CDH12: variants seen among roughly 807,000 people sequenced by gnomAD.
The protein encoded by CDH12 is cadherin 12.
CDH12 carries 41 observed loss-of-function variants against 74.1 expected under a neutral mutation model. The ratio of observed to expected loss-of-function variants is 0.55; its 90% confidence interval spans 0.43 to 0.72. The LOEUF (loss-of-function observed/expected upper bound fraction) is 0.72. Among genes scored for constraint, CDH12 ranks in the 30% least tolerant of loss-of-function variants. The pLI is 0.00. For synonymous variants in CDH12, 399 were observed against 355.0 expected (o/e 1.12, Z -1.39); for missense variants, 945 against 977.2 (o/e 0.97, Z 0.44).
chr5:21,810,258 T>C (rs975286220), intron 9 of CDH12, among the ~76,000 whole-genome samples: 2 of 152,052 alleles, frequency 1.3e-5, no homozygotes, highest in Admixed American at 6.6e-5. Context: ...CATTCCCCCA[T>C]GAATAAAAAG....
At chr5:21,994,885 C>A (rs77819482) in intron 5 of CDH12, among the ~76,000 whole-genome samples, 23,770 of 152,096 alleles carry the variant, frequency 0.16, 2,086 homozygotes, top group African/African-American at 0.22. Context: ...AGGATGTGGG[C>A]AGGGCCAAAT....
At chr5:21,965,190 ATACTC>A (rs1288026888) in intron 6 of CDH12, among the ~76,000 whole-genome samples, 2 of 152,080 alleles carry the variant, frequency 1.3e-5, no homozygotes, top group East Asian at 1.9e-4. Context: ...ATAGAAGTGT[ATACTC>A]TAATCTTATA....
At chr5:22,192,159 C>T (rs1750346873) in intron 4 of CDH12, among the ~76,000 whole-genome samples, 1 of 151,984 alleles carries the variant, frequency 6.6e-6, no homozygotes, top group South Asian at 2.1e-4. Flanking sequence ...GTCTCAAACT[C>T]CTGGCCTCAA....
At chr5:22,784,679 C>T (rs1747539284) in intron 1 of CDH12, among the ~76,000 whole-genome samples, 1 of 152,126 alleles carries the variant, frequency 6.6e-6, no homozygotes, top group Non-Finnish European at 1.5e-5. Context: ...CCAATACAGC[C>T]TGGTCCCGTT....
chr5:22,576,903 T>A (rs1739820163), intron 1 of CDH12, among the ~76,000 whole-genome samples: 1 of 152,132 alleles, frequency 6.6e-6, no homozygotes, highest in Non-Finnish European at 1.5e-5. Context: ...AAACCTTACT[T>A]CTTAAAAACT....
At chr5:22,553,032 C>A (rs1194183526) in intron 1 of CDH12, among the ~76,000 whole-genome samples, 2 of 152,022 alleles carry the variant, frequency 1.3e-5, no homozygotes. Flanking sequence ...TTGTTTGTTT[C>A]CAATAAATGC....
At chr5:22,105,335 C>T (rs1009484165) in intron 4 of CDH12, among the ~76,000 whole-genome samples, 7 of 151,138 alleles carry the variant, frequency 4.6e-5, no homozygotes, top group South Asian at 2.1e-4. Flanking sequence ...CCTCGTGATC[C>T]GCCCACCTCG....
chr5:21,962,376 C>T (rs567445015), intron 6 of CDH12, among the ~76,000 whole-genome samples: 1 of 152,148 alleles, frequency 6.6e-6, no homozygotes, highest in African/African-American at 2.4e-5. Context: ...CTGCCAGTGA[C>T]TCTTTCATTG....
intron 2 of CDH12, among the ~76,000 whole-genome samples, chr5:22,470,258 T>C (rs1745900989): frequency 6.6e-6 from 1 of 152,140 alleles, no homozygotes; most frequent in Non-Finnish European, 1.5e-5. Context: ...TCTTATGTAG[T>C]TGGCTTAAAA....
At chr5:22,151,755 G>T (rs1345025055) in intron 4 of CDH12, 1 of 152,098 alleles carries the variant, frequency 6.6e-6, no homozygotes, top group Non-Finnish European at 1.5e-5. Flanking sequence ...CTTTTTAAAG[G>T]AGTATAAGTG....
At chr5:21,855,100 T>C (rs573250724) in intron 6 of CDH12, among the ~76,000 whole-genome samples, 2 of 151,902 alleles carry the variant, frequency 1.3e-5, no homozygotes, top group Admixed American at 1.3e-4. Context: ...ACACCACTTA[T>C]ATTAGCTCAT....
At chr5:22,815,699 G>C (rs183776041) in intron 1 of CDH12, among the ~76,000 whole-genome samples, 1 of 145,948 alleles carries the variant, frequency 6.9e-6, no homozygotes, top group East Asian at 2.0e-4. Flanking sequence ...GAACCTGGGA[G>C]ATACAGTTTG....
chr5:22,356,247 C>T (rs1282152777), intron 3 of CDH12, among the ~76,000 whole-genome samples: 1 of 152,052 alleles, frequency 6.6e-6, no homozygotes, highest in Non-Finnish European at 1.5e-5. Flanking sequence ...AAATAACAAC[C>T]TATGAAACCA....
At chr5:22,608,198 T>C (rs1232843318) in intron 1 of CDH12, among the ~76,000 whole-genome samples, 4 of 151,866 alleles carry the variant, frequency 2.6e-5, no homozygotes, top group African/African-American at 9.7e-5. Flanking sequence ...TGAGGGGGGC[T>C]ATTCCCTGCA....
chr5:22,771,940 A>G (rs1746830636), intron 1 of CDH12, among the ~76,000 whole-genome samples: 1 of 152,010 alleles, frequency 6.6e-6, no homozygotes, highest in Non-Finnish European at 1.5e-5. Context: ...ACGCACACAT[A>G]TATGTTCTAT....
chr5:22,276,269 G>C lies in CDH12; in HGVS notation c.-332-63626C>G, dbSNP rs1338400230. 2.0e-5 allele frequency among the ~76,000 whole-genome samples: 3 copies of C among 152,158 alleles called. No individual in the cohort carries two copies. The East Asian group carries it at 5.8e-4, about 29-fold the overall frequency. ...GGACAACAACAGGGCATTAAAGAAA[G>C]AGTTCTGAGGATGGCCAATAAAAGA... On this transcript the variant is annotated intron_variant, in intron 3 of 14. Transcript: ENST00000382254.
At chr5:21,819,831 A>G (rs1426529453) in intron 8 of CDH12, among the ~76,000 whole-genome samples, 2 of 151,938 alleles carry the variant, frequency 1.3e-5, no homozygotes, top group Non-Finnish European at 2.9e-5. Context: ...GAGTAGTATG[A>G]GAAATTTAGG....
In CDH12 at chr5:22,436,655, G is replaced by A. The variant is rs191772459; in HGVS notation, c.-427-31304C>T. 9.0e-4 allele frequency among the ~76,000 whole-genome samples: 137 copies of A among 152,014 alleles called. 1 individual carries two copies. Among genetic ancestry groups the A allele is most frequent in the African/African-American group, 3.1e-3 (130 of 41,488 alleles). Reference sequence around the variant, plus strand: ...CAAGGAGAACTCACTGGGCGGATACGCTATCAAATTTTCAAAGATTGAAGA... The same window carrying A: ...CAAGGAGAACTCACTGGGCGGATACACTATCAAATTTTCAAAGATTGAAGA... On this transcript the variant is annotated intron_variant, in intron 2 of 14. Coordinates refer to ENST00000382254, the MANE Select transcript of CDH12 (RefSeq NM_004061.5).
rs547367514 is a variant in CDH12 at position 21,890,959 on chromosome 5, C to T, written c.527-36169G>A. Among the ~76,000 whole-genome samples, 287 of 152,094 alleles carry T rather than the reference C, an allele frequency of 1.9e-3. 1 individual carries two copies. In the Middle Eastern group the frequency reaches 0.041, roughly 22 times the overall value. On this transcript the variant is annotated intron_variant, in intron 6 of 14. Transcript: ENST00000382254. ...CTACAACTGGCATACAGGTTGTCAA[C>T]GTTATCCAAAGTATATAAACCCCAT...
Sources: gnomAD v4.1 joint callset for allele counts (sites outside exome capture counted in the v4.1 genomes callset) on GRCh38, gnomAD v4.1.1 for gene constraint, MANE v1.5 for transcripts, NCBI Gene and HGNC (gene_info 2026-07-23, HGNC 2026-07-21) for gene names.